The following BNC2 variants were observed in gnomAD, a reference collection of about 807,000 sequenced individuals.
The protein encoded by BNC2 is zinc finger protein basonuclin-2.
In BNC2, 20 loss-of-function variants were observed where a neutral mutation model predicts 76.3. The observed-to-expected ratio is 0.26, with a 90% CI of 0.18 to 0.38. The LOEUF (loss-of-function observed/expected upper bound fraction) is 0.38, where lower values mean the gene tolerates loss of function less well. Ranked by LOEUF, BNC2 falls within the 10% of genes least tolerant of loss-of-function variation. The pLI is 1.00. For missense variants in BNC2, 1,382 were observed against 1,399.8 expected, an observed-to-expected ratio of 0.99 and a Z score of 0.20; for synonymous variants, 582 against 514.8, an observed-to-expected ratio of 1.13 and a Z score of -1.77.
chr9:16,419,919 C>T (rs536953412), intron 6 of BNC2, among the ~76,000 whole-genome samples: 3 of 152,136 alleles, frequency 2.0e-5, no homozygotes, highest in South Asian at 2.1e-4. Flanking sequence ...AATGCAAACC[C>T]GTGCACCTTT....
intron 6 of BNC2, among the ~76,000 whole-genome samples, chr9:16,432,683 G>A (rs1288729982): frequency 1.3e-5 from 2 of 152,182 alleles, no homozygotes; most frequent in Admixed American, 6.5e-5. Context: ...GCACAAGGAA[G>A]ACATTGTGGA....
At chr9:16,428,555 T>C (rs1820844890) in intron 6 of BNC2, among the ~76,000 whole-genome samples, 1 of 152,240 alleles carries the variant, frequency 6.6e-6, no homozygotes. Flanking sequence ...CGTGGATGAA[T>C]TTAGATTAGA....
At chr9:16,691,999 T>C (rs1823188262) in intron 3 of BNC2, among the ~76,000 whole-genome samples, 1 of 151,690 alleles carries the variant, frequency 6.6e-6, no homozygotes, top group African/African-American at 2.4e-5. Flanking sequence ...TTAGTAGAGA[T>C]GGGGTTTCTC....
rs555122553 is a variant in BNC2 at position 16,579,248 on chromosome 9, T to C, written c.433+3735A>G. Reference sequence around the variant, plus strand: ...TATTAATAATTTCAAAACCCAGGTGTTGCAGTATAATGAATTAATCACTCT... The same window carrying C: ...TATTAATAATTTCAAAACCCAGGTGCTGCAGTATAATGAATTAATCACTCT... On this transcript the variant is annotated intron_variant, in intron 4 of 6. Coordinates refer to ENST00000380672, the MANE Select transcript of BNC2 (RefSeq NM_017637.6). 2.0e-5 allele frequency among the ~76,000 whole-genome samples: 3 copies of C among 152,082 alleles called. No individual in the cohort carries two copies. The South Asian group carries it at 6.2e-4, about 32-fold the overall frequency.
At chr9:16,420,905 C>T (rs1424195401) in intron 6 of BNC2, among the ~76,000 whole-genome samples, 1 of 152,114 alleles carries the variant, frequency 6.6e-6, no homozygotes, top group Admixed American at 6.5e-5. Context: ...TTGAAGGTTA[C>T]CCTTCCAAAA....
At chr9:16,590,698 G>A (rs1284344755) in intron 3 of BNC2, among the ~76,000 whole-genome samples, 2 of 151,930 alleles carry the variant, frequency 1.3e-5, no homozygotes, top group African/African-American at 4.8e-5. Context: ...TTCTAGCTAC[G>A]CGGGAGGCTG....
At chr9:16,771,507 G>A (rs1165798390) in intron 1 of BNC2, among the ~76,000 whole-genome samples, 2 of 152,132 alleles carry the variant, frequency 1.3e-5, no homozygotes, top group Non-Finnish European at 2.9e-5. Flanking sequence ...CATCCAAGAG[G>A]CAGCTACAAG....
intron 3 of BNC2, among the ~76,000 whole-genome samples, chr9:16,619,069 T>G (rs1820790973): frequency 1.3e-5 from 2 of 152,006 alleles, no homozygotes; most frequent in African/African-American, 2.4e-5. Context: ...ACCAAGAATC[T>G]AAGGGCTCTC....
intron 5 of BNC2, among the ~76,000 whole-genome samples, chr9:16,526,032 T>C (rs1285012725): frequency 6.6e-6 from 1 of 152,142 alleles, no homozygotes. Context: ...CTAGATACTG[T>C]ATATAAGTTC....
chr9:16,725,370 T>TA (rs911969489), intron 3 of BNC2, among the ~76,000 whole-genome samples: 1 of 152,026 alleles, frequency 6.6e-6, no homozygotes, highest in African/African-American at 2.4e-5. Flanking sequence ...TTATACAAAC[T>TA]AAAATGTCAT....
At chr9:16,673,734 C>G (rs1212667474) in intron 3 of BNC2, among the ~76,000 whole-genome samples, 3 of 152,152 alleles carry the variant, frequency 2.0e-5, no homozygotes, top group Non-Finnish European at 1.5e-5. Context: ...TTTGACTGTT[C>G]TAATTAATTT....
chr9:16,778,530 A>T (rs576158179), intron 1 of BNC2, among the ~76,000 whole-genome samples: 1 of 152,368 alleles, frequency 6.6e-6, no homozygotes, highest in African/African-American at 2.4e-5. Context: ...TATTAAGCAC[A>T]TATTATGTGT....
rs1353448822 is a variant in BNC2, at chr9:16,410,538, G to A, written c.*8451C>T. Reference sequence around the variant, plus strand: ...CCAAAGTTTGCACAGGAAAGCAAATGCACCATATACTAGAAATCTTAGATA... The same window carrying A: ...CCAAAGTTTGCACAGGAAAGCAAATACACCATATACTAGAAATCTTAGATA... On this transcript the variant is annotated 3_prime_UTR_variant, in exon 7 of 7. Transcript: ENST00000380672. 2 of 152,594 alleles carry A rather than the reference G, an allele frequency of 1.3e-5. No individual in the cohort carries two copies. The highest frequency in any genetic ancestry group is 2.4e-5 in the African/African-American group (1 of 41,442). 9.5% of individuals were successfully genotyped at this position (152,594 alleles called of 1,614,324 possible). A position where few individuals can be genotyped will look rare whatever the true frequency, so the allele number is the denominator to read the frequency against.
At position 16,485,522 on chromosome 9, in the gene BNC2, C is replaced by G. The variant is rs1822145907; in HGVS notation, c.670-47998G>C. 2.0e-5 allele frequency among the ~76,000 whole-genome samples: 3 copies of G among 152,200 alleles called. No individual in the cohort carries two copies. The South Asian group carries it at 6.2e-4, about 31-fold the overall frequency. On this transcript the variant is annotated intron_variant, in intron 5 of 6. Transcript: ENST00000380672. ...AGACCCAACTTTGCATTAACCCAGT[C>G]AAGGGATCATATAGGCTCTGTCAGG...
At chr9:16,679,294 T>C (rs112055190) in intron 3 of BNC2, among the ~76,000 whole-genome samples, 2 of 152,288 alleles carry the variant, frequency 1.3e-5, no homozygotes, top group African/African-American at 4.8e-5. Context: ...TTTTATAATA[T>C]AAAAATTCAT....
Position 16,418,288 on chromosome 9 carries a change from T to A in BNC2, c.*701A>T, listed in dbSNP as rs576154592. On this transcript the variant is annotated 3_prime_UTR_variant, in exon 7 of 7. Coordinates refer to ENST00000380672, the MANE Select transcript of BNC2 (RefSeq NM_017637.6). The stretch of plus-strand genomic sequence containing the variant: ...AACAGGTAGTAAAAACAAGACCATG[T>A]TTTTTTCTTTTTTTAAAAATGTGCA... 4 of 152,796 alleles carry A rather than the reference T, an allele frequency of 2.6e-5. No homozygotes were observed. The highest frequency in any genetic ancestry group is 9.6e-5 in the African/African-American group (4 of 41,570). 9.5% of individuals were successfully genotyped at this position (152,796 alleles called of 1,614,324 possible). A position where few individuals can be genotyped will look rare whatever the true frequency, so the allele number is the denominator to read the frequency against.
chr9:16,540,386 C>T (rs1478879722), intron 5 of BNC2, among the ~76,000 whole-genome samples: 1 of 152,114 alleles, frequency 6.6e-6, no homozygotes, highest in Non-Finnish European at 1.5e-5. Context: ...TTAATCCAAA[C>T]TGACCTACTT....
chr9:16,454,443 G>A lies in BNC2; in HGVS notation c.670-16919C>T, dbSNP rs528829466. On this transcript the variant is annotated intron_variant, in intron 5 of 6. Coordinates refer to ENST00000380672, the MANE Select transcript of BNC2 (RefSeq NM_017637.6). Reference sequence around the variant, plus strand: ...AGCCTCTCAAGTAGCTAGGACTACAGGCATGTGCCACCACACCCAGCTAAT... The same window carrying A: ...AGCCTCTCAAGTAGCTAGGACTACAAGCATGTGCCACCACACCCAGCTAAT... Among the ~76,000 whole-genome samples, 145 of 152,202 alleles carry A rather than the reference G, an allele frequency of 9.5e-4. 1 individual carries two copies. The Middle Eastern group carries it at 0.034, about 36-fold the overall frequency.
At chr9:16,660,448 C>T (rs1258747896) in intron 3 of BNC2, among the ~76,000 whole-genome samples, 1 of 146,900 alleles carries the variant, frequency 6.8e-6, no homozygotes, top group Admixed American at 6.6e-5. Flanking sequence ...GAGCGAAAGT[C>T]CATCTCAAAA....
Sources: gnomAD v4.1 joint callset for allele counts (sites outside exome capture counted in the v4.1 genomes callset) on GRCh38, gnomAD v4.1.1 for gene constraint, MANE v1.5 for transcripts, NCBI Gene and HGNC (gene_info 2026-07-23, HGNC 2026-07-21) for gene names.